Variants in LAMA2 observed in about 807,000 individuals in gnomAD.
The protein encoded by LAMA2 is laminin subunit alpha 2, also known as laminin subunit alpha-2.
In LAMA2, 269 loss-of-function variants were observed where a neutral mutation model predicts 364.8. The ratio of observed to expected loss-of-function variants is 0.74; its 90% CI spans 0.67 to 0.82. The LOEUF is 0.82. LAMA2 is among the 40% of genes least tolerant of loss of function. The pLI is 0.00. For missense variants in LAMA2, 3,807 were observed against 3,873.2 expected, an observed-to-expected ratio of 0.98 and a Z score of 0.45; for synonymous variants, 1,379 against 1,370.6, an observed-to-expected ratio of 1.01 and a Z score of -0.14.
intron 14 of LAMA2, among the ~76,000 whole-genome samples, chr6:129,255,405 C>CAAAAAAAA (rs5879934): frequency 3.0e-5 from 1 of 33,830 alleles, no homozygotes; most frequent in African/African-American, 1.0e-4. Flanking sequence ...GACTCTGTCT[C>CAAAAAAAA]AAAAAAAAAA....
intron 1 of LAMA2, among the ~76,000 whole-genome samples, chr6:129,045,046 T>G (rs1392342533): frequency 6.6e-6 from 1 of 152,180 alleles, no homozygotes; most frequent in East Asian, 1.9e-4. Context: ...AGATATTGAT[T>G]CATTCTTCAA....
At chr6:129,005,405 G>A (rs1486781074) in intron 1 of LAMA2, among the ~76,000 whole-genome samples, 1 of 151,772 alleles carries the variant, frequency 6.6e-6, no homozygotes, top group Non-Finnish European at 1.5e-5. Context: ...TTTAATAAAT[G>A]ATTTACTAAC....
chr6:129,351,674 T>A (rs919117751), intron 31 of LAMA2, among the ~76,000 whole-genome samples: 3 of 152,162 alleles, frequency 2.0e-5, no homozygotes, highest in Admixed American at 2.0e-4. Flanking sequence ...TTCTTGAGTA[T>A]CCCTGTAATA....
At chr6:129,224,958 G>A (rs1160622126) in intron 12 of LAMA2, among the ~76,000 whole-genome samples, 1 of 152,026 alleles carries the variant, frequency 6.6e-6, no homozygotes, top group Non-Finnish European at 1.5e-5. Context: ...GAATCCATCT[G>A]GTCCTGGACT....
chr6:129,016,313 T>TA (rs2114705248), intron 1 of LAMA2, among the ~76,000 whole-genome samples: 1 of 152,160 alleles, frequency 6.6e-6, no homozygotes, highest in East Asian at 1.9e-4. Context: ...TACTCTATGA[T>TA]GTTGCAATTC....
intron 4 of LAMA2, among the ~76,000 whole-genome samples, chr6:129,120,711 T>A (rs1202158853): frequency 2.0e-5 from 3 of 152,240 alleles, no homozygotes; most frequent in Non-Finnish European, 4.4e-5. Flanking sequence ...GTGATTTTTC[T>A]ACGACTTTCT....
intron 10 of LAMA2, among the ~76,000 whole-genome samples, chr6:129,186,808 C>T (rs1322338701): frequency 2.0e-5 from 3 of 151,620 alleles, no homozygotes; most frequent in East Asian, 1.9e-4. Context: ...GGGAAACTAT[C>T]GTGACTCTAT....
intron 40 of LAMA2, among the ~76,000 whole-genome samples, chr6:129,412,587 A>C (rs1358356701): frequency 6.6e-6 from 1 of 152,208 alleles, no homozygotes; most frequent in Non-Finnish European, 1.5e-5. Context: ...ACAAATCATA[A>C]ATATAAAATA....
intron 1 of LAMA2, among the ~76,000 whole-genome samples, chr6:128,915,543 A>G (rs539187236): frequency 9.1e-4 from 138 of 152,330 alleles, no homozygotes; most frequent in Middle Eastern, 3.4e-3. Context: ...TATAACATCA[A>G]AAACATCGGA....
rs1457930546 is a variant in LAMA2, at chr6:129,445,827, T to A, written c.6429+6T>A. ...CTCGGAAACAAGCCAATTCTGTAAG[T>A]TCTTTTTATCGTCAGTATCAGTAAC... On this transcript the variant is annotated splice_donor_region_variant and intron_variant, in intron 45 of 64. Transcript: ENST00000421865. 3.1e-6 allele frequency: 5 copies of A among 1,610,928 alleles called. No individual in the cohort carries two copies. The highest frequency in any genetic ancestry group is 4.2e-6 in the Non-Finnish European group (5 of 1,177,268).
In LAMA2 at chr6:129,138,822, A is replaced by G. The variant is rs11966453; in HGVS notation, c.640-5079A>G. Among the ~76,000 whole-genome samples the G allele has an allele frequency of 8.1e-3, 1,240 of 152,220 alleles. 13 individuals carry two copies. The highest frequency in any genetic ancestry group is 0.031 in the Admixed American group (466 of 15,264). ...AAACTGAGCTTCAATGGGATTACTA[A>G]ATGAGTATGTGAGGACAGAGCAGAG... On this transcript the variant is annotated intron_variant, in intron 4 of 64. Coordinates refer to ENST00000421865, the MANE Select transcript of LAMA2 (RefSeq NM_000426.4).
intron 29 of LAMA2, 100 bp downstream of exon 29, chr6:129,328,512 G>A: frequency 6.4e-7 from 1 of 1,559,120 alleles, no homozygotes; most frequent in East Asian, 2.2e-5. Flanking sequence ...GTAAGGGAAT[G>A]CAACTGTGTG....
At chr6:129,007,310 G>A (rs1784503135) in intron 1 of LAMA2, among the ~76,000 whole-genome samples, 1 of 152,144 alleles carries the variant, frequency 6.6e-6, no homozygotes, top group Non-Finnish European at 1.5e-5. Context: ...TTCCTCTACT[G>A]TGGAGTGAGC....
intron 4 of LAMA2, among the ~76,000 whole-genome samples, chr6:129,119,945 A>G (rs751189643): frequency 1.3e-5 from 2 of 152,208 alleles, no homozygotes; most frequent in Non-Finnish European, 2.9e-5. Flanking sequence ...TAATTATCAA[A>G]AAATTATCAC....
chr6:129,448,489 T>G (rs946553173), intron 45 of LAMA2, among the ~76,000 whole-genome samples: 1 of 152,224 alleles, frequency 6.6e-6, no homozygotes, highest in Non-Finnish European at 1.5e-5. Context: ...TATTACATTT[T>G]CTGATTTGTA....
At chr6:128,891,808 G>A (rs924195400) in intron 1 of LAMA2, among the ~76,000 whole-genome samples, 1 of 151,882 alleles carries the variant, frequency 6.6e-6, no homozygotes, top group African/African-American at 2.4e-5. Flanking sequence ...CAACTTTATA[G>A]CTTAGCCTAC....
chr6:129,184,091 T>A (rs192861959), intron 10 of LAMA2, among the ~76,000 whole-genome samples: 132 of 152,088 alleles, frequency 8.7e-4, no homozygotes, highest in African/African-American at 2.8e-3. Flanking sequence ...TACTTTTTGT[T>A]GTTGTTTATA....
intron 3 of LAMA2, among the ~76,000 whole-genome samples, chr6:129,092,339 A>C (rs1357933469): frequency 6.6e-6 from 1 of 152,234 alleles, no homozygotes; most frequent in Admixed American, 6.5e-5. Flanking sequence ...AGTTCTATAA[A>C]GATTCCCAGA....
intron 12 of LAMA2, among the ~76,000 whole-genome samples, chr6:129,194,022 T>C (rs999618085): frequency 1.3e-5 from 2 of 152,170 alleles, no homozygotes; most frequent in African/African-American, 4.8e-5. Context: ...GTATGTTGCA[T>C]AAAATTCAAT....
Sources: allele counts gnomAD v4.1 joint callset (sites outside exome capture counted in the v4.1 genomes callset), GRCh38; gene constraint gnomAD v4.1.1; transcripts MANE v1.5; gene names NCBI Gene and HGNC (gene_info 2026-07-23, HGNC 2026-07-21).